Variants in ATP9B observed in about 807,000 individuals in gnomAD.
The protein encoded by ATP9B is probable phospholipid-transporting ATPase IIB.
Under a neutral mutation model 146.1 loss-of-function variants are expected in ATP9B, and 110 were observed. The ratio of observed to expected loss-of-function variants is 0.75; its 90% CI spans 0.65 to 0.88. The LOEUF is 0.88. ATP9B is among the 40% of genes least tolerant of loss of function. The pLI, the probability that ATP9B is intolerant of heterozygous loss-of-function variation, is 0.00. For missense variants in ATP9B, 1,499 were observed against 1,496.4 expected (o/e 1.00, Z -0.03); for synonymous variants, 604 against 569.7 (o/e 1.06, Z -0.86).
At chr18:79,173,866 C>A in intron 7 of ATP9B, 1 of 414,752 alleles carries the variant, frequency 2.4e-6, no homozygotes. Context: ...TTAGAATAAT[C>A]TTGCCTATAT....
chr18:79,291,161 A>T (rs1372872723), intron 13 of ATP9B, among the ~76,000 whole-genome samples: 1 of 151,850 alleles, frequency 6.6e-6, no homozygotes, highest in African/African-American at 2.4e-5. Context: ...TTCATTAAAG[A>T]GCTGCAGCTT....
Position 79,377,343 on chromosome 18 carries a change from G to T in ATP9B, c.3404G>T (p.Arg1135Leu). 1 of 1,610,960 alleles carries T rather than the reference G, an allele frequency of 6.2e-7. No individual in the cohort carries two copies. ...LPLYVLKYLRRKLSPPSYCKL... is the reference protein window; with the variant it reads ...LPLYVLKYLRLKLSPPSYCKL... ...CTGTATGTCCTCAAGTACCTGAGGC[G>T]CAAGCTCTCTCCTCCCAGCTACTGC... Residue 1135 changes from arginine (R) to leucine (L), a missense_variant, in exon 30 of 30, where the codon CGC becomes CTC. Coordinates refer to ENST00000426216, the MANE Select transcript of ATP9B (RefSeq NM_198531.5).
rs1048119768 is a variant in ATP9B at position 79,351,659 on chromosome 18, T to C, written c.2903+3463T>C. 5.3e-5 allele frequency among the ~76,000 whole-genome samples: 8 copies of C among 152,360 alleles called. No individual in the cohort carries two copies. The South Asian group carries it at 8.3e-4, about 16-fold the overall frequency. ...TAATTCCACAAATATGGTTTTCATCTGCATTCATTTCATCAGCTCTGGAGG... is the reference window on the plus strand; with the variant it reads ...TAATTCCACAAATATGGTTTTCATCCGCATTCATTTCATCAGCTCTGGAGG... On this transcript the variant is annotated intron_variant, in intron 25 of 29. Transcript: ENST00000426216.
chr18:79,233,807 AAC>A (rs1174086573), intron 11 of ATP9B, among the ~76,000 whole-genome samples: 2 of 152,256 alleles, frequency 1.3e-5, no homozygotes, highest in African/African-American at 4.8e-5. Context: ...CCTTACCAGT[AAC>A]ACAGACCGTC....
At chr18:79,293,141 T>C (rs1050047781) in intron 13 of ATP9B, among the ~76,000 whole-genome samples, 2 of 150,826 alleles carry the variant, frequency 1.3e-5, no homozygotes, top group Non-Finnish European at 2.9e-5. Flanking sequence ...CAACTAGATA[T>C]CCCATGCAAA....
chr18:79,279,110 G>A lies in ATP9B; in HGVS notation c.1411+1914G>A, dbSNP rs571480527. Among the ~76,000 whole-genome samples the A allele has an allele frequency of 3.3e-5, 5 of 152,314 alleles. No individual in the cohort carries two copies. The South Asian group carries it at 1.0e-3, about 32-fold the overall frequency. ...GGAAGCCATCAGGCCACCGTGAGCG[G>A]CGCCTGTGAGAGCAGGTGACCACCA... On this transcript the variant is annotated intron_variant, in intron 13 of 29. Coordinates refer to ENST00000426216, the MANE Select transcript of ATP9B (RefSeq NM_198531.5).
intron 8 of ATP9B, among the ~76,000 whole-genome samples, chr18:79,184,437 A>G (rs1783813709): frequency 6.6e-6 from 1 of 151,896 alleles, no homozygotes; most frequent in South Asian, 2.1e-4. Flanking sequence ...CTTCTGTGTC[A>G]TCATTTCCCT....
chr18:79,180,755 T>C (rs965662586), intron 8 of ATP9B, among the ~76,000 whole-genome samples: 2 of 151,468 alleles, frequency 1.3e-5, no homozygotes, highest in East Asian at 1.9e-4. Context: ...TTGTCAGTTT[T>C]TGTTTGTTTG....
chr18:79,282,791 AT>A lies in ATP9B; in HGVS notation c.1411+5597del, dbSNP rs537108003. ...GTTTCCTATGTACTTCATATCCTCA[AT>A]TGGAAAGGGCTTTGGAATCAAATCT... On this transcript the variant is annotated intron_variant, in intron 13 of 29. Coordinates refer to ENST00000426216, the MANE Select transcript of ATP9B (RefSeq NM_198531.5). 2.6e-4 allele frequency among the ~76,000 whole-genome samples: 40 copies of A among 152,204 alleles called. 1 individual carries two copies. In the East Asian group the frequency reaches 7.7e-3, roughly 29 times the overall value.
Position 79,354,974 on chromosome 18 carries a change from C to A in ATP9B, c.2904-4380C>A, listed in dbSNP as rs371040094. Among the ~76,000 whole-genome samples, 393 of 152,330 alleles carry A rather than the reference C, an allele frequency of 2.6e-3. 3 individuals are homozygous for A. Among genetic ancestry groups the A allele is most frequent in the African/African-American group, 9.1e-3 (377 of 41,578 alleles). On this transcript the variant is annotated intron_variant, in intron 25 of 29. Coordinates refer to ENST00000426216, the MANE Select transcript of ATP9B (RefSeq NM_198531.5). ...GCCCACCTCCCCCTCCCCAAAAAGG[C>A]AAGTGGAGAGCTGAAAGTGCCACTT...
chr18:79,117,033 T>C (rs1439855108), intron 4 of ATP9B, among the ~76,000 whole-genome samples: 2 of 146,998 alleles, frequency 1.4e-5, no homozygotes, highest in Non-Finnish European at 3.0e-5. Context: ...AACAATAGAT[T>C]ATTCAAACTG....
At position 79,266,111 on chromosome 18, in the gene ATP9B, G is replaced by A. The variant is rs115683855; in HGVS notation, c.1269-10943G>A. 4.2e-3 allele frequency among the ~76,000 whole-genome samples: 635 copies of A among 152,212 alleles called. 6 individuals carry two copies. Among genetic ancestry groups the A allele is most frequent in the African/African-American group, 0.014 (571 of 41,550 alleles). Reference sequence around the variant, plus strand: ...CATTCATCCTTGTGTTCTTTAAAGAGTGTTTTAGGTCTTCTTGGCCATGAA... The same window carrying A: ...CATTCATCCTTGTGTTCTTTAAAGAATGTTTTAGGTCTTCTTGGCCATGAA... On this transcript the variant is annotated intron_variant, in intron 12 of 29. Transcript: ENST00000426216.
chr18:79,307,409 G>A (rs995153545), intron 15 of ATP9B, 175 bp downstream of exon 15: 10 of 947,158 alleles, frequency 1.1e-5, no homozygotes, highest in Middle Eastern at 3.4e-4. Context: ...AGCCTCTGAC[G>A]TAGCCTGGGC....
chr18:79,189,299 A>T (rs2095339553), intron 8 of ATP9B, among the ~76,000 whole-genome samples: 2 of 152,144 alleles, frequency 1.3e-5, no homozygotes, highest in Admixed American at 1.3e-4. Flanking sequence ...GTGAGCCGAG[A>T]TCTTGCCGCT....
intron 7 of ATP9B, among the ~76,000 whole-genome samples, chr18:79,166,629 G>C (rs1265235178): frequency 6.6e-6 from 1 of 152,208 alleles, no homozygotes; most frequent in African/African-American, 2.4e-5. Flanking sequence ...TCCCTGAATT[G>C]TGAGAGGTCT....
At position 79,199,781 on chromosome 18, in the gene ATP9B, A is replaced by G. The variant is rs2095449581; in HGVS notation, c.954+6518A>G. Among the ~76,000 whole-genome samples, 4 of 152,052 alleles carry G rather than the reference A, an allele frequency of 2.6e-5. 1 individual carries two copies. The highest frequency in any genetic ancestry group is 9.6e-5 in the African/African-American group (4 of 41,492). On this transcript the variant is annotated intron_variant, in intron 9 of 29. Coordinates refer to ENST00000426216, the MANE Select transcript of ATP9B (RefSeq NM_198531.5). ...ACATCTGAAAAAAAAAAAAAAAAGA[A>G]AAATGCAGACACACACACACACACA...
chr18:79,305,682 G>A (rs899196510), intron 14 of ATP9B, among the ~76,000 whole-genome samples: 2 of 152,160 alleles, frequency 1.3e-5, no homozygotes, highest in African/African-American at 4.8e-5. Context: ...AAAAGATGAA[G>A]CATCATTATA....
intron 26 of ATP9B, among the ~76,000 whole-genome samples, chr18:79,366,848 AAAGT>A (rs2097032628): frequency 6.6e-6 from 1 of 152,226 alleles, no homozygotes; most frequent in Admixed American, 6.5e-5. Context: ...GTGGAGCAAA[AAAGT>A]AAGGAACTGC....
intron 12 of ATP9B, among the ~76,000 whole-genome samples, chr18:79,261,634 GA>G (rs1279448067): frequency 5.3e-5 from 8 of 152,104 alleles, no homozygotes; most frequent in African/African-American, 1.9e-4. Context: ...GTTGCTTTAA[GA>G]CATCTAGTGA....
Sources: allele counts gnomAD v4.1 joint callset (sites outside exome capture counted in the v4.1 genomes callset), GRCh38; gene constraint gnomAD v4.1.1; transcripts MANE v1.5; gene names NCBI Gene and HGNC (gene_info 2026-07-23, HGNC 2026-07-21).